The following SGCZ variants were observed in gnomAD, a reference collection of about 807,000 sequenced individuals.
SGCZ encodes sarcoglycan zeta, also known as zeta-sarcoglycan.
In SGCZ, 40 loss-of-function variants were observed where a neutral mutation model predicts 41.3. The observed-to-expected ratio is 0.97, with a 90% CI of 0.75 to 1.26. The LOEUF (loss-of-function observed/expected upper bound fraction) is 1.26. SGCZ is among the 50% of genes most tolerant of loss of function. The pLI, the probability that SGCZ is intolerant of heterozygous loss-of-function variation, is 0.00. For synonymous variants in SGCZ, 206 were observed against 137.5 expected (o/e 1.50, Z -3.49); for missense variants, 552 against 369.8 (o/e 1.49, Z -4.04).
intron 1 of SGCZ, among the ~76,000 whole-genome samples, chr8:15,161,541 T>G (rs1366156181): frequency 6.6e-6 from 1 of 152,176 alleles, no homozygotes; most frequent in Non-Finnish European, 1.5e-5. Context: ...TGGTGTCCAG[T>G]AGGTGCTTAA....
intron 2 of SGCZ, among the ~76,000 whole-genome samples, chr8:14,348,359 C>G (rs1802964292): frequency 6.6e-6 from 1 of 152,104 alleles, no homozygotes; most frequent in African/African-American, 2.4e-5. Flanking sequence ...TTTCACCACA[C>G]CTCACTTCTT....
intron 2 of SGCZ, among the ~76,000 whole-genome samples, chr8:14,504,750 C>A (rs1376291159): frequency 6.6e-6 from 1 of 152,096 alleles, no homozygotes; most frequent in Non-Finnish European, 1.5e-5. Context: ...GGCACTTCTG[C>A]TTTCTTCTGG....
intron 1 of SGCZ, among the ~76,000 whole-genome samples, chr8:14,714,294 G>A (rs887102599): frequency 6.6e-6 from 1 of 151,952 alleles, no homozygotes; most frequent in African/African-American, 2.4e-5. Context: ...ATATGCTGAA[G>A]CTTAATGAAA....
At chr8:14,483,927 T>C (rs1450175692) in intron 2 of SGCZ, among the ~76,000 whole-genome samples, 1 of 152,188 alleles carries the variant, frequency 6.6e-6, no homozygotes, top group Non-Finnish European at 1.5e-5. Flanking sequence ...TATGTTCTGA[T>C]TGCTGACTAC....
At chr8:15,154,937 A>G (rs1035368829) in intron 1 of SGCZ, among the ~76,000 whole-genome samples, 1 of 152,156 alleles carries the variant, frequency 6.6e-6, no homozygotes, top group Non-Finnish European at 1.5e-5. Context: ...AATTAACAAC[A>G]ATATATTGTA....
At chr8:14,641,068 T>A (rs1040293358) in intron 1 of SGCZ, among the ~76,000 whole-genome samples, 1 of 151,610 alleles carries the variant, frequency 6.6e-6, no homozygotes, top group Non-Finnish European at 1.5e-5. Context: ...GTTCCCATCT[T>A]GTCCAGTGGT....
intron 5 of SGCZ, among the ~76,000 whole-genome samples, chr8:14,136,487 C>T (rs906349029): frequency 1.3e-5 from 2 of 152,176 alleles, no homozygotes; most frequent in Non-Finnish European, 2.9e-5. Context: ...AATGGCACAC[C>T]AGTACATTAT....
chr8:14,229,229 G>A (rs1563198771), intron 4 of SGCZ, among the ~76,000 whole-genome samples: 1 of 152,056 alleles, frequency 6.6e-6, no homozygotes, highest in East Asian at 1.9e-4. Context: ...CACAAACAAT[G>A]AGCATCTCTG....
At chr8:14,699,371 G>T (rs555063817) in intron 1 of SGCZ, among the ~76,000 whole-genome samples, 141 of 151,570 alleles carry the variant, frequency 9.3e-4, no homozygotes, top group African/African-American at 3.3e-3. Context: ...TGAGGAAAGG[G>T]CTCTATATTC....
Position 14,808,025 on chromosome 8 carries a change from C to T in SGCZ, c.40-253099G>A, listed in dbSNP as rs905077921. On this transcript the variant is annotated intron_variant, in intron 1 of 7. Transcript: ENST00000382080. The stretch of plus-strand genomic sequence containing the variant: ...AATGGTGCTGGGAAAACTGGCTAGC[C>T]ATATGTAGAAAGCTGAAACTGGATC... Among the ~76,000 whole-genome samples, 465 of 151,908 alleles carry T rather than the reference C, an allele frequency of 3.1e-3. 2 individuals are homozygous for T. Among genetic ancestry groups the T allele is most frequent in the African/African-American group, 0.011 (455 of 41,430 alleles).
chr8:14,087,654 A>G lies in SGCZ; in HGVS notation c.*2789T>C, dbSNP rs1287457417. ...TATTTATACATATTGTAACATAAAG[A>G]TGGTACTGGGAAAACATAATCTGTT... On this transcript the variant is annotated 3_prime_UTR_variant, in exon 8 of 8. Transcript: ENST00000382080. 6.6e-6 allele frequency among the ~76,000 whole-genome samples: 1 copy of G among 151,648 alleles called. No homozygotes were observed. The highest frequency in any genetic ancestry group is 1.5e-5 in the Non-Finnish European group (1 of 67,758).
chr8:14,231,160 A>AGTGTGTGTGT (rs71209027), intron 4 of SGCZ, among the ~76,000 whole-genome samples: 5,117 of 111,988 alleles, frequency 0.046, 243 homozygotes, highest in East Asian at 0.11. Context: ...TCTTTGGGCA[A>AGTGTGTGTGT]GTGTGTGTGT....
At chr8:14,493,199 TAC>T (rs775551366) in intron 2 of SGCZ, among the ~76,000 whole-genome samples, 2 of 151,982 alleles carry the variant, frequency 1.3e-5, no homozygotes, top group Non-Finnish European at 2.9e-5. Flanking sequence ...GTTCAAGCAG[TAC>T]AAAATCTGTT....
At chr8:14,631,545 TG>T (rs1452131966) in intron 1 of SGCZ, among the ~76,000 whole-genome samples, 1 of 152,086 alleles carries the variant, frequency 6.6e-6, no homozygotes, top group East Asian at 1.9e-4. Flanking sequence ...GAATTTGACC[TG>T]GCATAAATGG....
intron 1 of SGCZ, among the ~76,000 whole-genome samples, chr8:14,903,263 G>A (rs1362492192): frequency 6.6e-6 from 1 of 152,108 alleles, no homozygotes; most frequent in Non-Finnish European, 1.5e-5. Context: ...ATACATGACA[G>A]TGTAGATACA....
At chr8:14,240,685 C>T (rs1051512927) in intron 3 of SGCZ, among the ~76,000 whole-genome samples, 1 of 152,112 alleles carries the variant, frequency 6.6e-6, no homozygotes, top group Non-Finnish European at 1.5e-5. Flanking sequence ...TGATCTGAAC[C>T]AAAACCAAGT....
chr8:14,628,189 CTGT>C (rs1221750597), intron 1 of SGCZ, among the ~76,000 whole-genome samples: 1 of 152,038 alleles, frequency 6.6e-6, no homozygotes, highest in Non-Finnish European at 1.5e-5. Context: ...GTGGGGGTTG[CTGT>C]TTGTACCAAA....
intron 1 of SGCZ, among the ~76,000 whole-genome samples, chr8:14,604,090 A>T (rs1805673685): frequency 6.6e-6 from 1 of 152,096 alleles, no homozygotes; most frequent in Non-Finnish European, 1.5e-5. Flanking sequence ...GTGACTGTTT[A>T]TATAAAATAT....
chr8:14,503,758 C>T (rs1802225463), intron 2 of SGCZ, among the ~76,000 whole-genome samples: 1 of 152,054 alleles, frequency 6.6e-6, no homozygotes, highest in African/African-American at 2.4e-5. Context: ...CAGAGCAAGA[C>T]TCCATCTAAA....
Sources: gnomAD v4.1 joint callset for allele counts (sites outside exome capture counted in the v4.1 genomes callset) on GRCh38, gnomAD v4.1.1 for gene constraint, MANE v1.5 for transcripts, NCBI Gene and HGNC (gene_info 2026-07-23, HGNC 2026-07-21) for gene names.